Variants in CTSL observed in about 807,000 individuals in gnomAD.
The protein encoded by CTSL is procathepsin L.
CTSL carries 23 observed loss-of-function variants against 34.7 expected under a neutral mutation model. That is an observed-to-expected ratio of 0.66 (90% CI 0.48 to 0.94). The LOEUF is 0.94. Ranked by LOEUF, CTSL falls within the 40% of genes least tolerant of loss-of-function variation. The pLI, the probability that CTSL is intolerant of heterozygous loss-of-function variation, is 0.00. For missense variants in CTSL, 361 were observed against 406.3 expected, an observed-to-expected ratio of 0.89 and a Z score of 0.96; for synonymous variants, 129 against 136.7, an observed-to-expected ratio of 0.94 and a Z score of 0.39.
Position 87,727,741 on chromosome 9 carries a change from T to C in CTSL, c.126+12T>C. ...GATTATACGGCATGGTTAGTGAAAC[T>C]TCCCCAGAAAGAATAGTCCTGGCTG... On this transcript the variant is annotated intron_variant, in intron 2 of 7. Transcript: ENST00000343150. 3.1e-6 allele frequency: 5 copies of C among 1,613,992 alleles called. No individual in the cohort carries two copies. The highest frequency in any genetic ancestry group is 2.2e-5 in the East Asian group (1 of 44,882).
At position 87,729,643 on chromosome 9, in the gene CTSL, A is replaced by C. The variant is rs1215339286; in HGVS notation, c.692A>C (p.Gln231Pro). ...NDTGFVDIPK[Q>P]EKALMKAVAT... is the part of the protein sequence containing the mutation. ...ACCGGCTTTGTGGACATCCCTAAGC[A>C]GGAGAAGGCCCTGATGAAGGCAGTT... Residue 231 changes from glutamine (Q) to proline (P), a missense_variant, in exon 6 of 8, where the codon CAG becomes CCG. Gln to Pro is a moderately conservative substitution (Grantham distance 76). Transcript: ENST00000343150. 1 of 1,614,142 alleles carries C rather than the reference A, an allele frequency of 6.2e-7. No individual in the cohort carries two copies. Among genetic ancestry groups the C allele is most frequent in the Non-Finnish European group, 8.5e-7 (1 of 1,179,998 alleles).
In CTSL at chr9:87,726,280, C is replaced by T; in HGVS notation, c.-129C>T. The T allele has an allele frequency of 6.6e-6, 1 of 152,658 alleles. No individual in the cohort carries two copies. The highest frequency in any genetic ancestry group is 2.4e-5 in the African/African-American group (1 of 41,604). 9.5% of individuals were successfully genotyped at this position (152,658 alleles called of 1,614,324 possible). A position where few individuals can be genotyped will look rare whatever the true frequency, so the allele number is the denominator to read the frequency against. ...TGTGCACCAGCCCTGGCAACGAGAG[C>T]GTCTACCCCGAACTCTGCTGGCCTT... is the stretch of plus-strand genomic sequence containing the variant. On this transcript the variant is annotated 5_prime_UTR_variant, in exon 1 of 8. Transcript: ENST00000343150.
At position 87,727,841 on chromosome 9, in the gene CTSL, G is replaced by A. The variant is rs78099322; in HGVS notation, c.126+112G>A. On this transcript the variant is annotated intron_variant, in intron 2 of 7. Coordinates refer to ENST00000343150, the MANE Select transcript of CTSL (RefSeq NM_001912.5). ...TAGCCTAATGTAATAACCTAATGGC[G>A]TGGATTATGAGCACAATGTGGACAT... 3.6e-3 allele frequency: 5,154 copies of A among 1,437,864 alleles called. 109 individuals are homozygous for A. In the African/African-American group the frequency reaches 0.051, roughly 14 times the overall value. 89.1% of individuals were successfully genotyped at this position (1,437,864 alleles called of 1,614,324 possible). A position where few individuals can be genotyped will look rare whatever the true frequency, so the allele number is the denominator to read the frequency against.
Position 87,727,486 on chromosome 9 carries a change from T to C in CTSL, c.-10-108T>C, listed in dbSNP as rs562492997. 6 of 1,160,926 alleles carry C rather than the reference T, an allele frequency of 5.2e-6. No homozygotes were observed. In the African/African-American group the frequency reaches 9.3e-5, roughly 18 times the overall value. The allele number at this position is 1,160,926 out of a possible 1,614,324, so 71.9% of individuals were successfully genotyped here. On this transcript the variant is annotated intron_variant, in intron 1 of 7. Transcript: ENST00000343150. ...GTCCTTGGGTAAATGCTTGGGAGAA[T>C]AATTTAAATATTTTTATTCTACCAT...
chr9:87,729,510 C>A, intron 5 of CTSL, 63 bp from the exon 6 acceptor site: 1 of 1,481,116 alleles, frequency 6.8e-7, no homozygotes, highest in Non-Finnish European at 9.3e-7. Context: ...GTGGTTCTAA[C>A]TCATGTTCTC....
At position 87,727,630 on chromosome 9, in the gene CTSL, C is replaced by T; in HGVS notation, c.27C>T (p.Ala9=). Residue 9 remains alanine, a synonymous_variant, in exon 2 of 8, where the codon GCC becomes GCT. Transcript: ENST00000343150. ...TGAATCCTACACTCATCCTTGCTGC[C>T]TTTTGCCTGGGAATTGCCTCAGCTA... The part of the protein sequence containing the change: MNPTLILA[A]FCLGIASATL... 1 of 1,614,004 alleles carries T rather than the reference C, an allele frequency of 6.2e-7. No individual in the cohort carries two copies. Among genetic ancestry groups the T allele is most frequent in the Non-Finnish European group, 8.5e-7 (1 of 1,180,024 alleles).
rs149824075 is a variant in CTSL at position 87,728,171 on chromosome 9, G to A, written c.249+22G>A. 87 of 1,614,222 alleles carry A rather than the reference G, an allele frequency of 5.4e-5. No homozygotes were observed. In the East Asian group the frequency reaches 1.8e-3, roughly 33 times the overall value. On this transcript the variant is annotated intron_variant, in intron 3 of 7. Transcript: ENST00000343150. ...CATGGTAAGTGTGCTGTGGACTGCC[G>A]AGCTCTGTGCTTCCTCTCTTCGGTT...
rs536296056 is a variant in CTSL at position 87,726,189 on chromosome 9, A to G, written c.-220A>G. 4.6e-5 allele frequency: 7 copies of G among 152,510 alleles called. No individual in the cohort carries two copies. In the South Asian group the frequency reaches 1.4e-3, roughly 32 times the overall value. 9.4% of individuals were successfully genotyped at this position (152,510 alleles called of 1,614,324 possible). ...CTGCGCAGCTACGACCGCAGCAGGA[A>G]AGCGCCGCCGGCCAGGCCCAGCTGT... On this transcript the variant is annotated 5_prime_UTR_variant, in exon 1 of 8. Coordinates refer to ENST00000343150, the MANE Select transcript of CTSL (RefSeq NM_001912.5).
chr9:87,730,614 C>T (rs1489395423), intron 7 of CTSL, 116 bp downstream of exon 7: 4 of 663,386 alleles, frequency 6.0e-6, no homozygotes, highest in Non-Finnish European at 1.0e-5. Flanking sequence ...CCCCAGAAGT[C>T]TAAGTTGAAC....
chr9:87,727,594 G>A lies in CTSL; in HGVS notation c.-10G>A. Reference sequence around the variant, plus strand: ...ATCCTCATTTTTGTTCCCTTCCTAGGTTTTAAAACATGAATCCTACACTCA... The same window carrying A: ...ATCCTCATTTTTGTTCCCTTCCTAGATTTTAAAACATGAATCCTACACTCA... On this transcript the variant is annotated splice_region_variant and 5_prime_UTR_variant, in exon 2 of 8. Transcript: ENST00000343150. The A allele has an allele frequency of 6.2e-7, 1 of 1,613,894 alleles. No individual in the cohort carries two copies. Among genetic ancestry groups the A allele is most frequent in the Non-Finnish European group, 8.5e-7 (1 of 1,179,982 alleles).
At position 87,729,711 on chromosome 9, in the gene CTSL, G is replaced by A. The variant is rs774044787; in HGVS notation, c.760G>A (p.Glu254Lys). The change falls in exon 6 of 8, where the codon GAG becomes AAG. Residue 254 changes from glutamate to lysine, a missense_variant. Coordinates refer to ENST00000343150, the MANE Select transcript of CTSL (RefSeq NM_001912.5). The part of the protein sequence containing the change: ...PISVAIDAGH[E>K]SFLFYKEGIY... The stretch of plus-strand genomic sequence containing the variant: ...TTCTGTTGCTATTGATGCAGGTCAT[G>A]AGTCCTTCCTGTTCTATAAAGAAGG... 2 of 1,612,124 alleles carry A rather than the reference G, an allele frequency of 1.2e-6. No individual in the cohort carries two copies. Among genetic ancestry groups the A allele is most frequent in the Non-Finnish European group, 1.7e-6 (2 of 1,179,580 alleles).
At position 87,731,155 on chromosome 9, in the gene CTSL, A is replaced by T; in HGVS notation, c.*48A>T. The T allele has an allele frequency of 1.4e-6, 2 of 1,428,482 alleles. No individual in the cohort carries two copies. The highest frequency in any genetic ancestry group is 2.0e-6 in the Non-Finnish European group (2 of 1,015,392). 88.5% of individuals were successfully genotyped at this position (1,428,482 alleles called of 1,614,324 possible). The stretch of plus-strand genomic sequence containing the variant: ...GGACTTGACTGGGGATGGCGCATGC[A>T]TGGGAGGAATTCATCTTCAGTCTAC... On this transcript the variant is annotated 3_prime_UTR_variant, in exon 8 of 8. Transcript: ENST00000343150.
Position 87,727,596 on chromosome 9 carries a change from T to A in CTSL, c.-8T>A. On this transcript the variant is annotated splice_region_variant and 5_prime_UTR_variant, in exon 2 of 8. Transcript: ENST00000343150. ...CCTCATTTTTGTTCCCTTCCTAGGT[T>A]TTAAAACATGAATCCTACACTCATC... 6.2e-7 allele frequency: 1 copy of A among 1,614,006 alleles called. No individual in the cohort carries two copies. The highest frequency in any genetic ancestry group is 8.5e-7 in the Non-Finnish European group (1 of 1,180,012).
intron 1 of CTSL, among the ~76,000 whole-genome samples, chr9:87,727,056 A>AT (rs1346241185): frequency 6.6e-6 from 1 of 151,102 alleles, no homozygotes; most frequent in African/African-American, 2.4e-5. Context: ...AAATAAATAA[A>AT]TAAATAAATA....
At chr9:87,727,926 T>G in intron 2 of CTSL, 101 bp from the exon 3 acceptor site, 11 of 1,551,446 alleles carry the variant, frequency 7.1e-6, no homozygotes, top group Non-Finnish European at 8.8e-6. Flanking sequence ...AGCCTTCCCT[T>G]GCCATGGTTT....
intron 6 of CTSL, 91 bp downstream of exon 6, chr9:87,729,826 G>T (rs1336608700): frequency 7.6e-7 from 1 of 1,315,110 alleles, no homozygotes; most frequent in South Asian, 1.5e-5. Context: ...GTAAAGTTCA[G>T]TGTAGATATT....
Position 87,726,405 on chromosome 9 carries a change from C to T in CTSL, c.-11+7C>T, listed in dbSNP as rs1825993486. ...CCGAGCCGGGTGGACACAGGTACCG[C>T]AGCCAGGCCGCGCCGCGCCGACTCA... On this transcript the variant is annotated splice_region_variant and intron_variant, in intron 1 of 7. Coordinates refer to ENST00000343150, the MANE Select transcript of CTSL (RefSeq NM_001912.5). 2 of 152,382 alleles carry T rather than the reference C, an allele frequency of 1.3e-5. No homozygotes were observed. Among genetic ancestry groups the T allele is most frequent in the Admixed American group, 1.3e-4 (2 of 15,288 alleles). The allele number at this position is 152,382 out of a possible 1,614,324, so 9.4% of individuals were successfully genotyped here.
chr9:87,730,053 C>T (rs527347179), intron 6 of CTSL, among the ~76,000 whole-genome samples: 11 of 151,968 alleles, frequency 7.2e-5, no homozygotes, highest in East Asian at 1.9e-4. Context: ...TTATTAAATC[C>T]GAAAAGAGCC....
rs148734216 is a variant in CTSL at position 87,730,437 on chromosome 9, G to A, written c.841G>A (p.Val281Ile). 3 of 1,613,160 alleles carry A rather than the reference G, an allele frequency of 1.9e-6. No individual in the cohort carries two copies. Among genetic ancestry groups the A allele is most frequent in the Admixed American group, 3.3e-5 (2 of 59,810 alleles). The change falls in exon 7 of 8, where the codon GTT becomes ATT. Residue 281 changes from valine to isoleucine, a missense_variant. Transcript: ENST00000343150. ...AGACATGGATCATGGTGTGCTGGTGGTTGGCTACGGATTTGAAAGCACAGA... is the reference window on the plus strand; with the variant it reads ...AGACATGGATCATGGTGTGCTGGTGATTGGCTACGGATTTGAAAGCACAGA... ...SEDMDHGVLV[V>I]GYGFESTESD...
Sources: allele counts gnomAD v4.1 joint callset (sites outside exome capture counted in the v4.1 genomes callset), GRCh38; gene constraint gnomAD v4.1.1; transcripts MANE v1.5; gene names NCBI Gene and HGNC (gene_info 2026-07-23, HGNC 2026-07-21).